The following TMEM245 variants were observed in gnomAD, a reference collection of about 807,000 sequenced individuals.
TMEM245 encodes the protein protein CG-2.
In TMEM245, 69 loss-of-function variants were observed where a neutral mutation model predicts 101.2. The ratio of observed to expected loss-of-function variants is 0.68; its 90% CI spans 0.56 to 0.83. The LOEUF (loss-of-function observed/expected upper bound fraction) is 0.83. Among genes scored for constraint, TMEM245 ranks in the 40% least tolerant of loss-of-function variants. The pLI is 0.00. For missense variants in TMEM245, 1,075 were observed against 1,092.8 expected, an observed-to-expected ratio of 0.98 and a Z score of 0.23; for synonymous variants, 537 against 449.8, an observed-to-expected ratio of 1.19 and a Z score of -2.45.
In TMEM245 at chr9:109,081,615, G is replaced by A. The variant is rs549359101; in HGVS notation, c.1345-672C>T. On this transcript the variant is annotated intron_variant, in intron 7 of 17. Coordinates refer to ENST00000374586, the MANE Select transcript of TMEM245 (RefSeq NM_032012.4). Reference sequence around the variant, plus strand: ...CTTCAGGTTAATTTGTTTTATTAAGGGGGGAGTCATTGGTAGATAGTCTTT... The same window carrying A: ...CTTCAGGTTAATTTGTTTTATTAAGAGGGGAGTCATTGGTAGATAGTCTTT... Among the ~76,000 whole-genome samples the A allele has an allele frequency of 2.4e-4, 37 of 152,196 alleles. 1 individual carries two copies. The South Asian group carries it at 7.5e-3, about 31-fold the overall frequency.
intron 12 of TMEM245, among the ~76,000 whole-genome samples, chr9:109,052,935 C>T (rs1828729652): frequency 6.6e-6 from 1 of 151,928 alleles, no homozygotes; most frequent in Admixed American, 6.6e-5. Flanking sequence ...GTAACCTTTC[C>T]TATTTGAAAG....
intron 3 of TMEM245, among the ~76,000 whole-genome samples, chr9:109,098,364 G>A (rs982341312): frequency 2.0e-5 from 3 of 152,018 alleles, no homozygotes; most frequent in Admixed American, 6.6e-5. Flanking sequence ...CACATTTTTC[G>A]AGCACCTCAG....
At chr9:109,118,249 T>C in intron 1 of TMEM245, among the ~76,000 whole-genome samples, 1 of 152,228 alleles carries the variant, frequency 6.6e-6, no homozygotes, top group Middle Eastern at 3.2e-3. Flanking sequence ...AAGGGTGTTT[T>C]GGGTCATTCA....
chr9:109,068,287 G>A (rs1371961182), intron 9 of TMEM245, among the ~76,000 whole-genome samples: 4 of 151,328 alleles, frequency 2.6e-5, no homozygotes, highest in East Asian at 3.9e-4. Context: ...GGAGAATGGC[G>A]TGCACCTGGG....
intron 2 of TMEM245, 65 bp from the exon 3 acceptor site, chr9:109,106,674 T>C: frequency 3.2e-6 from 4 of 1,249,192 alleles, no homozygotes; most frequent in Non-Finnish European, 4.5e-6. Flanking sequence ...TTTACAAAAC[T>C]CAGTTTTGTA....
intron 2 of TMEM245, among the ~76,000 whole-genome samples, chr9:109,107,293 G>C (rs569596010): frequency 6.6e-6 from 1 of 151,898 alleles, no homozygotes; most frequent in South Asian, 2.1e-4. Context: ...CAGCTACTTG[G>C]GGGGCTGAGA....
At chr9:109,064,974 T>C (rs72607167) in intron 9 of TMEM245, among the ~76,000 whole-genome samples, 33,728 of 152,000 alleles carry the variant, frequency 0.22, 4,556 homozygotes, top group Admixed American at 0.3. Flanking sequence ...TTAGTAGAGA[T>C]AGGGTTTCAC....
chr9:109,078,671 CTTT>C (rs1305770131), intron 8 of TMEM245, among the ~76,000 whole-genome samples: 2 of 152,100 alleles, frequency 1.3e-5, no homozygotes, highest in Non-Finnish European at 2.9e-5. Context: ...TCCAGATTTT[CTTT>C]TTATCTTTGT....
In TMEM245 at chr9:109,041,284, C is replaced by T. The variant is rs77971276; in HGVS notation, c.2124-3167G>A. On this transcript the variant is annotated intron_variant, in intron 14 of 17. Coordinates refer to ENST00000374586, the MANE Select transcript of TMEM245 (RefSeq NM_032012.4). Reference sequence around the variant, plus strand: ...GTGTGCACAAGGAAATACTATTCAGCCCCCCCAAAAGAAGGAAATCCTGTC... The same window carrying T: ...GTGTGCACAAGGAAATACTATTCAGTCCCCCCAAAAGAAGGAAATCCTGTC... Among the ~76,000 whole-genome samples the T allele has an allele frequency of 2.0e-5, 3 of 151,868 alleles. No homozygotes were observed. In the South Asian group the frequency reaches 6.3e-4, roughly 32 times the overall value.
In TMEM245 at chr9:109,086,054, A is replaced by G. The variant is rs773516271; in HGVS notation, c.1321-34T>C. 9.3e-6 allele frequency: 15 copies of G among 1,609,780 alleles called. No individual in the cohort carries two copies. In the East Asian group the frequency reaches 2.0e-4, roughly 22 times the overall value. ...TAGGGGGTAAGGTGAGAAAGAGAAG[A>G]TAAGAACAGTGGAGTATCATTAGAG... On this transcript the variant is annotated intron_variant, in intron 6 of 17. Transcript: ENST00000374586.
At chr9:109,112,937 A>G (rs1830606447) in intron 1 of TMEM245, among the ~76,000 whole-genome samples, 1 of 152,054 alleles carries the variant, frequency 6.6e-6, no homozygotes, top group Non-Finnish European at 1.5e-5. Context: ...TTAGCTGGGC[A>G]TGGTGGCAGA....
chr9:109,038,244 TATTTTC>T, intron 14 of TMEM245, 127 bp from the exon 15 acceptor site: 1 of 546,450 alleles, frequency 1.8e-6, no homozygotes, highest in Non-Finnish European at 3.2e-6. Context: ...CTGAGAATGC[TATTTTC>T]ATTTTATTTC....
Position 109,119,418 on chromosome 9 carries a change from C to T in TMEM245, c.496G>A (p.Gly166Ser). The T allele has an allele frequency of 6.6e-7, 1 of 1,526,268 alleles. No homozygotes were observed. Among genetic ancestry groups the T allele is most frequent in the Non-Finnish European group, 8.8e-7 (1 of 1,141,496 alleles). 94.5% of individuals were successfully genotyped at this position (1,526,268 alleles called of 1,614,324 possible). A position where few individuals can be genotyped will look rare whatever the true frequency, so the allele number is the denominator to read the frequency against. Residue 166 changes from glycine (G) to serine (S), a missense_variant, in exon 1 of 18, where the codon GGC becomes AGC. Gly to Ser is a moderately conservative substitution (Grantham distance 56, BLOSUM62 0). Transcript: ENST00000374586. ...AGCACCTGCACGCCCAAGTAGCTGC[C>T]GAGGCAGTAGAGGCCGTACAGGAGC... is the stretch of plus-strand genomic sequence containing the variant. ...GPLLYGLYCLGSYLGVQVLLV... is the reference protein window; with the variant it reads ...GPLLYGLYCLSSYLGVQVLLV...
rs139148081 is a variant in TMEM245 at position 109,061,669 on chromosome 9, A to G, written c.1624-1217T>C. On this transcript the variant is annotated intron_variant, in intron 10 of 17. Coordinates refer to ENST00000374586, the MANE Select transcript of TMEM245 (RefSeq NM_032012.4). Reference sequence around the variant, plus strand: ...TTGCAACCTCTGCCTCCCAGGTTCGAGCAATTCTCCTGTCTCAGCCTCCTG... The same window carrying G: ...TTGCAACCTCTGCCTCCCAGGTTCGGGCAATTCTCCTGTCTCAGCCTCCTG... Among the ~76,000 whole-genome samples, 1,437 of 151,808 alleles carry G rather than the reference A, an allele frequency of 9.5e-3. 8 individuals carry two copies. The highest frequency in any genetic ancestry group is 0.046 in the South Asian group (219 of 4,802).
rs1167934949 is a variant in TMEM245, at chr9:109,015,323, T to A, written c.*5137A>T. 1 of 152,222 alleles carries A rather than the reference T, an allele frequency of 6.6e-6. No individual in the cohort carries two copies. Among genetic ancestry groups the A allele is most frequent in the Non-Finnish European group, 1.5e-5 (1 of 68,036 alleles). 9.4% of individuals were successfully genotyped at this position (152,222 alleles called of 1,614,324 possible). A position where few individuals can be genotyped will look rare whatever the true frequency, so the allele number is the denominator to read the frequency against. On this transcript the variant is annotated 3_prime_UTR_variant, in exon 18 of 18. Coordinates refer to ENST00000374586, the MANE Select transcript of TMEM245 (RefSeq NM_032012.4). ...TTACTTTTGAATTGCCTCCTTCACC[T>A]GAGAACCCAGGGATGATACATTTTC...
chr9:109,017,342 C>T lies in TMEM245; in HGVS notation c.*3118G>A, dbSNP rs1827478312. On this transcript the variant is annotated 3_prime_UTR_variant, in exon 18 of 18. Coordinates refer to ENST00000374586, the MANE Select transcript of TMEM245 (RefSeq NM_032012.4). ...GCTCTGCCAGCTAAACACTTCTTATCAAAGAGGGTGTGAAGAAACCTTGCA... is the reference window on the plus strand; with the variant it reads ...GCTCTGCCAGCTAAACACTTCTTATTAAAGAGGGTGTGAAGAAACCTTGCA... 6.6e-6 allele frequency: 1 copy of T among 152,196 alleles called. No homozygotes were observed. Among genetic ancestry groups the T allele is most frequent in the Non-Finnish European group, 1.5e-5 (1 of 68,042 alleles). 9.4% of individuals were successfully genotyped at this position (152,196 alleles called of 1,614,324 possible).
chr9:109,029,862 G>A lies in TMEM245; in HGVS notation c.2594+3445C>T, dbSNP rs1248912337. Among the ~76,000 whole-genome samples, 4 of 152,162 alleles carry A rather than the reference G, an allele frequency of 2.6e-5. No homozygotes were observed. The East Asian group carries it at 5.8e-4, about 22-fold the overall frequency. On this transcript the variant is annotated intron_variant, in intron 17 of 17. Transcript: ENST00000374586. ...CCAAGTGGAGAGGTGAGTGCCTGGT[G>A]CAGAGCTTGAGATGGGATTAGTTAT...
chr9:109,119,384 T>C lies in TMEM245; in HGVS notation c.530A>G (p.His177Arg). 1 of 1,529,556 alleles carries C rather than the reference T, an allele frequency of 6.5e-7. No homozygotes were observed. Among genetic ancestry groups the C allele is most frequent in the East Asian group, 2.6e-5 (1 of 39,172 alleles). The allele number at this position is 1,529,556 out of a possible 1,614,324, so 94.7% of individuals were successfully genotyped here. ...CCCGCGGCAGATGAGCGTGGCAGCG[T>C]GCACCAGCAGCACCTGCACGCCCAA... ...SYLGVQVLLV[H>R]AATLICRGLD... Residue 177 changes from histidine (H) to arginine (R), a missense_variant, in exon 1 of 18, where the codon CAC becomes CGC. By Grantham distance (29) the His-to-Arg change is conservative. Around this residue, in one of 2 missense-constraint regions of TMEM245, gnomAD observed 808 missense variants for 741.5 expected, o/e 1.09. Coordinates refer to ENST00000374586, the MANE Select transcript of TMEM245 (RefSeq NM_032012.4).
intron 7 of TMEM245, among the ~76,000 whole-genome samples, chr9:109,084,702 A>C (rs1829783050): frequency 2.0e-5 from 3 of 152,144 alleles, no homozygotes; most frequent in Admixed American, 6.5e-5. Context: ...AACAAATAAA[A>C]ATTTTTTAGA....
Sources: gnomAD v4.1 joint callset for allele counts (sites outside exome capture counted in the v4.1 genomes callset) on GRCh38, gnomAD v4.1.1 for gene constraint, gnomAD v4.1.1 regional missense constraint, MANE v1.5 for transcripts, NCBI Gene and HGNC (gene_info 2026-07-23, HGNC 2026-07-21) for gene names.